EIF4E: variants seen among roughly 807,000 people sequenced by gnomAD.
EIF4E encodes the protein eIF-4F 25 kDa subunit.
For missense variants in EIF4E, 113 were observed against 265.6 expected (o/e 0.43, Z 3.99); for synonymous variants, 71 against 88.5 (o/e 0.80, Z 1.11).
At chr4:98,892,325 AAAC>A (rs1724177514) in intron 2 of EIF4E, among the ~76,000 whole-genome samples, 1 of 138,012 alleles carries the variant, frequency 7.2e-6, no homozygotes, top group Non-Finnish European at 1.5e-5. Context: ...CCATCTCAAA[AAAC>A]AAAAAAACAA....
At position 98,883,158 on chromosome 4, in the gene EIF4E, G is replaced by A. The variant is rs566065926; in HGVS notation, c.539+1764C>T. Among the ~76,000 whole-genome samples, 4 of 151,956 alleles carry A rather than the reference G, an allele frequency of 2.6e-5. No individual in the cohort carries two copies. In the South Asian group the frequency reaches 8.3e-4, roughly 31 times the overall value. ...GCAGTGGTTCAGGCCTGTGGTCCCAGCTATTCAGGAGGCTGAGGCAAGAGA... is the reference window on the plus strand; with the variant it reads ...GCAGTGGTTCAGGCCTGTGGTCCCAACTATTCAGGAGGCTGAGGCAAGAGA... On this transcript the variant is annotated intron_variant, in intron 6 of 6. Transcript: ENST00000450253.
At chr4:98,909,956 C>A (rs1428130917) in intron 1 of EIF4E, 1 of 513,912 alleles carries the variant, frequency 1.9e-6, no homozygotes, top group Non-Finnish European at 3.4e-6. Context: ...TTCCTCACAG[C>A]ACCCTCAAAT....
chr4:98,892,190 T>A (rs1036067039), intron 2 of EIF4E, among the ~76,000 whole-genome samples: 2 of 148,400 alleles, frequency 1.3e-5, no homozygotes, highest in East Asian at 4.0e-4. Context: ...CTAGGAAAAA[T>A]ACAAAACTAG....
intron 6 of EIF4E, among the ~76,000 whole-genome samples, chr4:98,883,256 A>T (rs1046058645): frequency 6.6e-6 from 1 of 152,100 alleles, no homozygotes; most frequent in East Asian, 1.9e-4. Flanking sequence ...TGGGCAACAG[A>T]GTGTGACTCT....
intron 1 of EIF4E, among the ~76,000 whole-genome samples, chr4:98,914,362 A>T (rs1209923866): frequency 3.6e-5 from 1 of 27,852 alleles, no homozygotes; most frequent in Non-Finnish European, 5.9e-5. Context: ...ACTCCGTCTC[A>T]AAAAAAAAAA....
intron 1 of EIF4E, among the ~76,000 whole-genome samples, chr4:98,912,323 TCCCA>T (rs1325613645): frequency 6.6e-6 from 1 of 151,000 alleles, no homozygotes; most frequent in Non-Finnish European, 1.5e-5. Context: ...ATGCCTGTAA[TCCCA>T]ACACTTTGGG....
rs774179713 is a variant in EIF4E, at chr4:98,891,342, A to T, written c.126-10T>A. The T allele has an allele frequency of 6.2e-7, 1 of 1,609,318 alleles. No individual in the cohort carries two copies. ...AAACCAGAGTGCCCATCTAAAAATA[A>T]AAAATCAGTGTCAAAAAATGGTAGC... is the stretch of plus-strand genomic sequence containing the variant. On this transcript the variant is annotated splice_polypyrimidine_tract_variant and intron_variant, in intron 2 of 6. Transcript: ENST00000450253.
intron 1 of EIF4E, among the ~76,000 whole-genome samples, chr4:98,921,568 G>A (rs1365178355): frequency 1.3e-5 from 2 of 151,912 alleles, no homozygotes; most frequent in Non-Finnish European, 2.9e-5. Context: ...TACAATGACA[G>A]TAATGAGCAG....
At chr4:98,912,544 C>T (rs1414094038) in intron 1 of EIF4E, among the ~76,000 whole-genome samples, 1 of 151,804 alleles carries the variant, frequency 6.6e-6, no homozygotes, top group African/African-American at 2.4e-5. Context: ...CCACTGCACT[C>T]CAGCATAGCG....
intron 2 of EIF4E, among the ~76,000 whole-genome samples, chr4:98,893,444 A>C (rs1724240754): frequency 6.6e-6 from 1 of 152,238 alleles, no homozygotes; most frequent in Admixed American, 6.5e-5. Context: ...AATCCTCCCA[A>C]ACCCTGCAGT....
chr4:98,919,552 C>CT (rs1166030281), intron 1 of EIF4E, among the ~76,000 whole-genome samples: 1 of 145,134 alleles, frequency 6.9e-6, no homozygotes, highest in African/African-American at 2.6e-5. Context: ...TTTCTAGATT[C>CT]TTTTTCTTTT....
intron 2 of EIF4E, chr4:98,895,050 T>C (rs1272259370): frequency 6.6e-6 from 1 of 152,250 alleles, no homozygotes; most frequent in Non-Finnish European, 1.5e-5. Flanking sequence ...ATACAACATT[T>C]ATCAATTAAG....
rs76663790 is a variant in EIF4E, at chr4:98,923,816, A to G, written c.18+5279T>C. Among the ~76,000 whole-genome samples, 624 of 152,364 alleles carry G rather than the reference A, an allele frequency of 4.1e-3. 4 individuals carry two copies. The highest frequency in any genetic ancestry group is 0.014 in the African/African-American group (595 of 41,588). The stretch of plus-strand genomic sequence containing the variant: ...ATAGTATGTAAATGCATGGATATAC[A>G]TGAGTATAAAACATTCATGGAATGT... On this transcript the variant is annotated intron_variant, in intron 1 of 6. Coordinates refer to ENST00000450253, the MANE Select transcript of EIF4E (RefSeq NM_001968.5).
At position 98,905,223 on chromosome 4, in the gene EIF4E, A is replaced by G. The variant is rs557818196; in HGVS notation, c.19-3241T>C. Among the ~76,000 whole-genome samples, 3 of 143,082 alleles carry G rather than the reference A, an allele frequency of 2.1e-5. No individual in the cohort carries two copies. In the South Asian group the frequency reaches 6.4e-4, roughly 30 times the overall value. The allele number at this position is 143,082 out of a possible 152,430, so 93.9% of individuals were successfully genotyped here. A position where few individuals can be genotyped will look rare whatever the true frequency, so the allele number is the denominator to read the frequency against. The stretch of plus-strand genomic sequence containing the variant: ...TAAATGACCGATCTCAGGTTCTATC[A>G]GGGAATTTAAAAAAAAAAAAAAGGA... On this transcript the variant is annotated intron_variant, in intron 1 of 6. Transcript: ENST00000450253.
chr4:98,909,409 A>T (rs1392306331), intron 1 of EIF4E: 1 of 412,598 alleles, frequency 2.4e-6, no homozygotes, highest in Non-Finnish European at 4.3e-6. Context: ...AAATCAGGCA[A>T]AGAAATGTAC....
intron 1 of EIF4E, among the ~76,000 whole-genome samples, chr4:98,915,833 C>T (rs1056153905): frequency 1.1e-4 from 16 of 151,798 alleles, no homozygotes; most frequent in Admixed American, 2.0e-4. Flanking sequence ...TGAGCCACTG[C>T]GCCTGGCCGT....
At chr4:98,903,803 A>G (rs1255367896) in intron 1 of EIF4E, among the ~76,000 whole-genome samples, 1 of 152,222 alleles carries the variant, frequency 6.6e-6, no homozygotes, top group Non-Finnish European at 1.5e-5. Context: ...AAATTGACAT[A>G]CAGTAAGTAA....
chr4:98,902,720 G>A (rs1177548397), intron 1 of EIF4E, among the ~76,000 whole-genome samples: 1 of 152,060 alleles, frequency 6.6e-6, no homozygotes, highest in Non-Finnish European at 1.5e-5. Context: ...GTATCACTGG[G>A]CACTGTGGTG....
chr4:98,909,949 C>T (rs1472231364), intron 1 of EIF4E: 2 of 519,766 alleles, frequency 3.8e-6, no homozygotes, highest in Non-Finnish European at 6.7e-6. Context: ...CATGCATTTC[C>T]TCACAGCACC....
Sources: gnomAD v4.1 joint callset for allele counts (sites outside exome capture counted in the v4.1 genomes callset) on GRCh38, gnomAD v4.1.1 for gene constraint, MANE v1.5 for transcripts, NCBI Gene and HGNC (gene_info 2026-07-23, HGNC 2026-07-21) for gene names.